The following ZNF248 variants were observed in gnomAD, a reference collection of about 807,000 sequenced individuals.
The protein encoded by ZNF248 is KRAB protein domain.
In ZNF248, 20 loss-of-function variants were observed where a neutral mutation model predicts 44.3. The ratio of observed to expected loss-of-function variants is 0.45; its 90% confidence interval spans 0.32 to 0.66. The LOEUF (loss-of-function observed/expected upper bound fraction) is 0.66. Ranked by LOEUF, ZNF248 falls within the 30% of genes least tolerant of loss-of-function variation. ZNF248 has a pLI of 0.04. For missense variants in ZNF248, 654 were observed against 677.0 expected (o/e 0.97, Z 0.38); for synonymous variants, 224 against 229.0 (o/e 0.98, Z 0.20).
chr10:37,832,767 C>T lies in ZNF248; in HGVS notation c.588G>A (p.Arg196=), dbSNP rs994125299. 3 of 1,613,552 alleles carry T rather than the reference C, an allele frequency of 1.9e-6. No homozygotes were observed. The highest frequency in any genetic ancestry group is 2.5e-6 in the Non-Finnish European group (3 of 1,179,798). ...GATCCTGGTGATAATTAATGGCATT[C>T]CTTTTTTGATCATATTTATAAGACT... is the stretch of plus-strand genomic sequence containing the variant. ...GEKSYKYDQK[R]NAINYHQDLS... Residue 196 remains arginine (R), a synonymous_variant, in exon 6 of 6, where the codon AGG becomes AGA. Transcript: ENST00000395867.
At position 37,829,362 on chromosome 10, in the gene ZNF248, A is replaced by G. The variant is rs959884877; in HGVS notation, c.*2253T>C. On this transcript the variant is annotated 3_prime_UTR_variant, in exon 6 of 6. Coordinates refer to ENST00000395867, the MANE Select transcript of ZNF248 (RefSeq NM_021045.3). ...CACCACTGTAATCAGTCTGCCATTA[A>G]AATATTTTTAGTTGGAGAATTCTGT... is the stretch of plus-strand genomic sequence containing the variant. 1.0e-6 allele frequency: 1 copy of G among 985,340 alleles called. No individual in the cohort carries two copies. Among genetic ancestry groups the G allele is most frequent in the East Asian group, 1.1e-4 (1 of 8,826 alleles). The allele number at this position is 985,340 out of a possible 1,614,324, so 61.0% of individuals were successfully genotyped here. A position where few individuals can be genotyped will look rare whatever the true frequency, so the allele number is the denominator to read the frequency against.
the ZNF248 span, among the ~76,000 whole-genome samples, chr10:37,763,030 A>G: frequency 1.3e-5 from 2 of 152,226 alleles, no homozygotes; most frequent in Non-Finnish European, 1.5e-5. Context: ...TTCCATTAAT[A>G]TATGCCAGGA....
downstream of ZNF248, among the ~76,000 whole-genome samples, chr10:37,824,413 A>C (rs1323833871): frequency 6.6e-6 from 1 of 152,190 alleles, no homozygotes; most frequent in Non-Finnish European, 1.5e-5. Context: ...CCCATGACCC[A>C]GTCAAGTTGA....
downstream of ZNF248, among the ~76,000 whole-genome samples, chr10:37,774,121 C>A (rs2046398755): frequency 6.6e-6 from 1 of 152,086 alleles, no homozygotes; most frequent in South Asian, 2.1e-4. Flanking sequence ...CATTCCATTT[C>A]CCTCCTTCTC....
the ZNF248 span, among the ~76,000 whole-genome samples, chr10:37,763,977 A>G: frequency 2.0e-5 from 3 of 152,166 alleles, no homozygotes; most frequent in Non-Finnish European, 2.9e-5. Context: ...TAACTGCACA[A>G]ATTGTTTAAA....
chr10:37,846,479 A>G (rs1564647907), intron 3 of ZNF248, among the ~76,000 whole-genome samples: 2 of 150,562 alleles, frequency 1.3e-5, no homozygotes, highest in Admixed American at 1.3e-4. Context: ...CTGTCTCTAC[A>G]AAAAAAAAAT....
chr10:37,778,033 T>C (rs1221556585), intron 6 of ZNF248, among the ~76,000 whole-genome samples: 62 of 152,266 alleles, frequency 4.1e-4, no homozygotes, highest in African/African-American at 1.4e-3. Context: ...TGATTTATAG[T>C]CCTTTGGGTA....
chr10:37,842,075 T>C (rs181427853), intron 3 of ZNF248, among the ~76,000 whole-genome samples: 21 of 152,332 alleles, frequency 1.4e-4, no homozygotes, highest in Admixed American at 7.2e-4. Flanking sequence ...TATTGTTTCA[T>C]TAATTGTGAC....
At chr10:37,840,386 G>A (rs1189587549) in intron 3 of ZNF248, among the ~76,000 whole-genome samples, 1 of 152,120 alleles carries the variant, frequency 6.6e-6, no homozygotes, top group Non-Finnish European at 1.5e-5. Context: ...GAATGGTCAC[G>A]TCACCAAAGA....
chr10:37,789,130 G>A (rs972361087), intron 6 of ZNF248, among the ~76,000 whole-genome samples: 4 of 152,134 alleles, frequency 2.6e-5, no homozygotes, highest in Non-Finnish European at 5.9e-5. Flanking sequence ...GATTGGCTGG[G>A]AGTTAGAGTG....
chr10:37,761,712 G>A, the ZNF248 span, among the ~76,000 whole-genome samples: 1 of 152,120 alleles, frequency 6.6e-6, no homozygotes, highest in Non-Finnish European at 1.5e-5. Flanking sequence ...TTTCCTAAGA[G>A]CATATTCTCC....
chr10:37,767,451 G>C, the ZNF248 span, among the ~76,000 whole-genome samples: 1 of 152,206 alleles, frequency 6.6e-6, no homozygotes, highest in South Asian at 2.1e-4. Flanking sequence ...CAAGCCAGAA[G>C]GGAGTGGGGG....
chr10:37,849,177 TA>T (rs1589925883), intron 3 of ZNF248, among the ~76,000 whole-genome samples: 1 of 152,082 alleles, frequency 6.6e-6, no homozygotes, highest in East Asian at 1.9e-4. Context: ...CTCACACCTA[TA>T]ATCCCAGCAC....
chr10:37,814,333 C>G (rs950110677), intron 6 of ZNF248, among the ~76,000 whole-genome samples: 14 of 152,260 alleles, frequency 9.2e-5, no homozygotes, highest in African/African-American at 3.1e-4. Context: ...AAAATGACTT[C>G]TTTATACATT....
intron 3 of ZNF248, among the ~76,000 whole-genome samples, chr10:37,843,838 T>A (rs549152667): frequency 6.6e-6 from 1 of 151,616 alleles, no homozygotes; most frequent in Non-Finnish European, 1.5e-5. Context: ...TTGGAGAATA[T>A]AAAAATTGAA....
chr10:37,759,665 T>C, the ZNF248 span, among the ~76,000 whole-genome samples: 1 of 152,198 alleles, frequency 6.6e-6, no homozygotes, highest in African/African-American at 2.4e-5. Flanking sequence ...TAAAGATTAG[T>C]AGGCAGGTAG....
At chr10:37,804,101 CTTTTT>C (rs59261731) in intron 6 of ZNF248, among the ~76,000 whole-genome samples, 25 of 124,944 alleles carry the variant, frequency 2.0e-4, no homozygotes, top group East Asian at 1.1e-3. Context: ...TTTTCTTTTT[CTTTTT>C]TTTTTTTTTT....
chr10:37,844,686 G>A (rs1331678356), intron 3 of ZNF248, among the ~76,000 whole-genome samples: 1 of 152,142 alleles, frequency 6.6e-6, no homozygotes, highest in East Asian at 1.9e-4. Context: ...AATGTGGAAT[G>A]TTCATTGTTA....
At chr10:37,837,263 A>G (rs910480344) in intron 5 of ZNF248, among the ~76,000 whole-genome samples, 1 of 151,896 alleles carries the variant, frequency 6.6e-6, no homozygotes. Context: ...ACAGGCAGCT[A>G]CCACCACATC....
Sources: gnomAD v4.1 joint callset for allele counts (sites outside exome capture counted in the v4.1 genomes callset) on GRCh38, gnomAD v4.1.1 for gene constraint, MANE v1.5 for transcripts, NCBI Gene and HGNC (gene_info 2026-07-23, HGNC 2026-07-21) for gene names.